Variants in C12orf42 observed in about 807,000 individuals in gnomAD.
C12orf42 encodes the protein uncharacterized protein C12orf42.
C12orf42 carries 25 observed loss-of-function variants against 21.6 expected under a neutral mutation model. The observed-to-expected ratio is 1.16, with a 90% CI of 0.84 to 1.62. C12orf42 has a LOEUF of 1.62. C12orf42 is among the 40% of genes most tolerant of loss of function. The pLI, the probability that C12orf42 is intolerant of heterozygous loss-of-function variation, is 0.00. For synonymous variants in C12orf42, 174 were observed against 175.0 expected (o/e 0.99, Z 0.05); for missense variants, 483 against 459.3 (o/e 1.05, Z -0.47).
At chr12:103,203,777 C>T in the C12orf42 span, among the ~76,000 whole-genome samples, 1 of 152,130 alleles carries the variant, frequency 6.6e-6, no homozygotes, top group African/African-American at 2.4e-5. Context: ...ATATCAGAGA[C>T]TCTCAACTTT....
the C12orf42 span, among the ~76,000 whole-genome samples, chr12:103,544,888 T>A: frequency 6.6e-6 from 1 of 152,158 alleles, no homozygotes; most frequent in Non-Finnish European, 1.5e-5. Context: ...GCTTTATTTT[T>A]AGTTTACCTC....
At chr12:103,077,291 C>CAGAAG in the C12orf42 span, among the ~76,000 whole-genome samples, 3,539 of 152,200 alleles carry the variant, frequency 0.023, 62 homozygotes, top group African/African-American at 0.047. Flanking sequence ...TGCCAGCCAA[C>CAGAAG]AGAAAAGTGC....
intron 2 of C12orf42, among the ~76,000 whole-genome samples, chr12:103,477,383 C>T (rs1389393993): frequency 1.3e-5 from 2 of 151,790 alleles, no homozygotes; most frequent in Admixed American, 1.3e-4. Context: ...AATGTGGCCA[C>T]AGTAAAGTAA....
intron 1 of C12orf42, among the ~76,000 whole-genome samples, chr12:103,492,157 C>A (rs183250811): frequency 6.6e-6 from 1 of 152,274 alleles, no homozygotes; most frequent in Non-Finnish European, 1.5e-5. Flanking sequence ...GGGGTTTCAC[C>A]CTGTTAGCCA....
rs140719285 is a variant in C12orf42 at position 103,274,017 on chromosome 12, G to A, written n.398+3133C>T. 1.1e-3 allele frequency: 465 copies of A among 441,550 alleles called. 11 individuals are homozygous for A. In the East Asian group the frequency reaches 0.03, roughly 29 times the overall value. 27.4% of individuals were successfully genotyped at this position (441,550 alleles called of 1,614,324 possible). A position where few individuals can be genotyped will look rare whatever the true frequency, so the allele number is the denominator to read the frequency against. ...CCTATTGCCCTGTCCTGCTTTTTTA[G>A]TTCCTCTCTGCCTTTCAGACACTCA... On this transcript the variant is annotated intron_variant and non_coding_transcript_variant, in intron 5 of 6. Coordinates refer to the C12orf42 transcript ENST00000546526.
At chr12:103,379,226 C>T (rs969538557) in intron 3 of C12orf42, among the ~76,000 whole-genome samples, 47 of 152,202 alleles carry the variant, frequency 3.1e-4, no homozygotes, top group African/African-American at 9.6e-4. Flanking sequence ...CCAATGGGAA[C>T]AGGCATCCTC....
At chr12:103,309,027 G>A (rs532499767) in intron 4 of C12orf42, among the ~76,000 whole-genome samples, 1 of 152,334 alleles carries the variant, frequency 6.6e-6, no homozygotes, top group African/African-American at 2.4e-5. Context: ...AGCCAACGCT[G>A]CTGGTAGTTA....
chr12:103,453,057 A>G (rs981843709), intron 2 of C12orf42, among the ~76,000 whole-genome samples: 9 of 151,840 alleles, frequency 5.9e-5, no homozygotes, highest in Admixed American at 1.3e-4. Context: ...TTTTTTTGCA[A>G]TCAATTTGAT....
chr12:103,415,775 A>G (rs2049266360), intron 2 of C12orf42, among the ~76,000 whole-genome samples: 1 of 152,208 alleles, frequency 6.6e-6, no homozygotes, highest in Non-Finnish European at 1.5e-5. Flanking sequence ...GATATTCATA[A>G]TTAGGGACAG....
intron 4 of C12orf42, among the ~76,000 whole-genome samples, chr12:103,344,833 T>C (rs2042472599): frequency 6.6e-6 from 1 of 151,900 alleles, no homozygotes; most frequent in Non-Finnish European, 1.5e-5. Flanking sequence ...GAAAGGGAGA[T>C]ACAAAAAAGA....
the C12orf42 span, among the ~76,000 whole-genome samples, chr12:103,205,189 C>T: frequency 6.6e-6 from 1 of 152,146 alleles, no homozygotes; most frequent in Non-Finnish European, 1.5e-5. Context: ...GGAAAATAAG[C>T]TGTTCGATGT....
At chr12:103,297,527 A>G (rs1593320679), downstream of C12orf42, among the ~76,000 whole-genome samples, 4 of 152,396 alleles carry the variant, frequency 2.6e-5, no homozygotes, top group African/African-American at 9.6e-5. Flanking sequence ...CCAGAGGTAC[A>G]AAGAGGAGCT....
the C12orf42 span, among the ~76,000 whole-genome samples, chr12:103,051,764 A>G: frequency 1.3e-5 from 2 of 151,932 alleles, no homozygotes; most frequent in African/African-American, 2.4e-5. Flanking sequence ...TCTGCTTCCT[A>G]CTATTGTGCC....
At chr12:103,182,214 A>C in the C12orf42 span, among the ~76,000 whole-genome samples, 284 of 152,278 alleles carry the variant, frequency 1.9e-3, 1 homozygote, top group African/African-American at 6.6e-3. Flanking sequence ...GTGTGCTTTT[A>C]TTAGCCTCCT....
At chr12:103,367,477 AAAGAAAAATGAATGAG>A (rs1186973657) in intron 4 of C12orf42, among the ~76,000 whole-genome samples, 1 of 151,908 alleles carries the variant, frequency 6.6e-6, no homozygotes, top group African/African-American at 2.4e-5. Flanking sequence ...AAAGAAAAAA[AAAGAAAAATGAATGAG>A]AAAGCACTCA....
the C12orf42 span, among the ~76,000 whole-genome samples, chr12:103,144,911 G>C: frequency 6.6e-6 from 1 of 152,138 alleles, no homozygotes; most frequent in East Asian, 1.9e-4. Flanking sequence ...AGGCATAATT[G>C]ACAACCATCT....
chr12:103,562,735 C>T, the C12orf42 span, among the ~76,000 whole-genome samples: 1 of 152,202 alleles, frequency 6.6e-6, no homozygotes. Context: ...AGCAAGCCCA[C>T]ATCAGGGGGA....
chr12:103,471,949 C>T (rs1327924858), intron 2 of C12orf42: 2 of 151,602 alleles, frequency 1.3e-5, no homozygotes, highest in African/African-American at 4.8e-5. Context: ...TCCCATTTGA[C>T]TTAAAATCTG....
the C12orf42 span, among the ~76,000 whole-genome samples, chr12:103,209,920 CCA>C: frequency 2.0e-5 from 3 of 152,132 alleles, no homozygotes; most frequent in Non-Finnish European, 4.4e-5. Context: ...GATCAAAGAA[CCA>C]CACACACATA....
Sources: gnomAD v4.1 joint callset for allele counts (sites outside exome capture counted in the v4.1 genomes callset) on GRCh38, gnomAD v4.1.1 for gene constraint, MANE v1.5 for transcripts, NCBI Gene and HGNC (gene_info 2026-07-23, HGNC 2026-07-21) for gene names.